Variants in ATG5 observed in about 807,000 individuals in gnomAD.
ATG5 encodes autophagy protein 5.
A neutral mutation model predicts 36.5 loss-of-function variants in ATG5; 14 were observed. The observed-to-expected ratio is 0.38, with a 90% CI of 0.25 to 0.60. The LOEUF is 0.60. Among genes scored for constraint, ATG5 ranks in the 20% least tolerant of loss-of-function variants. The probability of loss-of-function intolerance (pLI) is 0.60; values close to 1 mark genes in which losing one functional copy is unlikely to be tolerated. For missense variants in ATG5, 195 were observed against 326.7 expected, an observed-to-expected ratio of 0.60 and a Z score of 3.11; for synonymous variants, 95 against 101.5, an observed-to-expected ratio of 0.94 and a Z score of 0.38.
intron 1 of ATG5, among the ~76,000 whole-genome samples, chr6:106,321,976 T>A: frequency 6.6e-6 from 1 of 152,300 alleles, no homozygotes; most frequent in African/African-American, 2.4e-5. Flanking sequence ...TAAACTCCTC[T>A]CCAAATCAGT....
At chr6:106,306,368 T>C (rs1770447173) in intron 3 of ATG5, among the ~76,000 whole-genome samples, 1 of 152,204 alleles carries the variant, frequency 6.6e-6, no homozygotes, top group South Asian at 2.1e-4. Context: ...TCACTTACTT[T>C]ACAAGCTAAA....
At chr6:106,279,541 C>A in intron 5 of ATG5, 120 bp downstream of exon 5, 1 of 886,418 alleles carries the variant, frequency 1.1e-6, no homozygotes. Context: ...CAAATCTGGG[C>A]ACAGAGGCTA....
intron 3 of ATG5, among the ~76,000 whole-genome samples, chr6:106,300,975 G>T (rs762161623): frequency 6.6e-6 from 1 of 151,982 alleles, no homozygotes; most frequent in Non-Finnish European, 1.5e-5. Flanking sequence ...GTGCTTGAAG[G>T]TCTAAGATCT....
At chr6:106,212,467 C>T (rs764395454) in intron 6 of ATG5, among the ~76,000 whole-genome samples, 4 of 152,062 alleles carry the variant, frequency 2.6e-5, no homozygotes, top group African/African-American at 9.7e-5. Context: ...ATGGTGAACC[C>T]GTCTCTAACA....
At chr6:106,309,512 T>C (rs1436891411) in intron 2 of ATG5, among the ~76,000 whole-genome samples, 6 of 152,166 alleles carry the variant, frequency 3.9e-5, no homozygotes, top group Admixed American at 3.3e-4. Context: ...TGCTGAATAG[T>C]ATTATGCATT....
intron 1 of ATG5, 149 bp from the exon 2 acceptor site, chr6:106,316,415 CAAAGA>C (rs1305529699): frequency 1.6e-5 from 7 of 444,842 alleles, no homozygotes; most frequent in Admixed American, 4.2e-5. Context: ...AGTATAAATT[CAAAGA>C]AAAGAGTACA....
chr6:106,243,065 T>C (rs1048872139), intron 6 of ATG5, among the ~76,000 whole-genome samples: 1 of 152,198 alleles, frequency 6.6e-6, no homozygotes, highest in Non-Finnish European at 1.5e-5. Flanking sequence ...AGTTAATCCC[T>C]GACATCCTAG....
At chr6:106,269,616 AC>A (rs983527108) in intron 5 of ATG5, among the ~76,000 whole-genome samples, 18 of 152,176 alleles carry the variant, frequency 1.2e-4, no homozygotes, top group African/African-American at 4.3e-4. Context: ...CTGCTGGGGG[AC>A]CCAGTACACC....
At chr6:106,267,534 C>G (rs1412484633) in intron 5 of ATG5, among the ~76,000 whole-genome samples, 1 of 152,176 alleles carries the variant, frequency 6.6e-6, no homozygotes, top group East Asian at 1.9e-4. Flanking sequence ...ATAGCCAAGA[C>G]AATCCTAAGC....
intron 4 of ATG5, among the ~76,000 whole-genome samples, chr6:106,283,183 C>G (rs899230660): frequency 6.6e-5 from 10 of 152,054 alleles, no homozygotes; most frequent in African/African-American, 1.9e-4. Context: ...TTAATTATTA[C>G]GAGATTCAAT....
intron 5 of ATG5, among the ~76,000 whole-genome samples, chr6:106,252,408 C>CCT (rs750056505): frequency 8.7e-5 from 13 of 149,296 alleles, no homozygotes; most frequent in East Asian, 1.9e-4. Context: ...ATCCATTTTT[C>CCT]CTCTCTCTCT....
At chr6:106,279,615 A>G (rs367751098) in intron 5 of ATG5, 46 bp downstream of exon 5, 11 of 1,361,122 alleles carry the variant, frequency 8.1e-6, no homozygotes, top group Admixed American at 2.4e-5. Flanking sequence ...TGGCTGTATC[A>G]TATTTTATAA....
At chr6:106,241,358 A>C (rs2114493911) in intron 6 of ATG5, among the ~76,000 whole-genome samples, 1 of 152,360 alleles carries the variant, frequency 6.6e-6, no homozygotes, top group East Asian at 1.9e-4. Context: ...ATATTGGTGA[A>C]GATCTGAAAA....
At chr6:106,280,344 T>G (rs1779832202) in intron 4 of ATG5, among the ~76,000 whole-genome samples, 1 of 150,566 alleles carries the variant, frequency 6.6e-6, no homozygotes, top group Non-Finnish European at 1.5e-5. Context: ...ACTTGCTACA[T>G]GAATGTTCAC....
intron 6 of ATG5, among the ~76,000 whole-genome samples, chr6:106,204,131 A>C (rs903070280): frequency 6.6e-6 from 1 of 152,162 alleles, no homozygotes; most frequent in Non-Finnish European, 1.5e-5. Flanking sequence ...AACGTAGATG[A>C]GGGGCTGATG....
Position 106,218,811 on chromosome 6 carries a change from A to G in ATG5, c.574-16722T>C, listed in dbSNP as rs151327942. ...AGTAACAGATAATTACCTTTGGCATAATGAAAAAAACTTTAAATGTAAGTT... is the reference window on the plus strand; with the variant it reads ...AGTAACAGATAATTACCTTTGGCATGATGAAAAAAACTTTAAATGTAAGTT... On this transcript the variant is annotated intron_variant, in intron 6 of 7. Coordinates refer to ENST00000369076, the MANE Select transcript of ATG5 (RefSeq NM_004849.4). Among the ~76,000 whole-genome samples, 151 of 152,336 alleles carry G rather than the reference A, an allele frequency of 9.9e-4. No individual in the cohort carries two copies. The East Asian group carries it at 0.026, about 26-fold the overall frequency.
At chr6:106,311,370 T>C (rs1770640197) in intron 2 of ATG5, among the ~76,000 whole-genome samples, 1 of 151,994 alleles carries the variant, frequency 6.6e-6, no homozygotes, top group South Asian at 2.1e-4. Context: ...TGATCTTGAG[T>C]TTCACGGGAG....
chr6:106,253,399 C>T (rs1778675412), intron 5 of ATG5, among the ~76,000 whole-genome samples: 1 of 152,098 alleles, frequency 6.6e-6, no homozygotes, highest in Non-Finnish European at 1.5e-5. Context: ...AGGTTTCTAC[C>T]CAGGGAAATC....
intron 2 of ATG5, 84 bp downstream of exon 2, chr6:106,316,017 A>T (rs1347136028): frequency 9.2e-7 from 1 of 1,092,670 alleles, no homozygotes; most frequent in African/African-American, 1.6e-5. Flanking sequence ...AAAACGTTAC[A>T]TAATGGCCTC....
Sources: gnomAD v4.1 joint callset for allele counts (sites outside exome capture counted in the v4.1 genomes callset) on GRCh38, gnomAD v4.1.1 for gene constraint, MANE v1.5 for transcripts, NCBI Gene and HGNC (gene_info 2026-07-23, HGNC 2026-07-21) for gene names.